OR8G1: variants seen among roughly 807,000 people sequenced by gnomAD.
OR8G1 encodes the protein olfactory receptor family 8 subfamily G member 1.
For synonymous variants in OR8G1, 129 were observed against 133.3 expected (o/e 0.97, Z 0.22); for missense variants, 372 against 356.2 (o/e 1.04, Z -0.36).
intron 2 of OR8G1, among the ~76,000 whole-genome samples, chr11:124,248,402 C>CTGTG (rs954418162): frequency 7.3e-5 from 11 of 150,032 alleles, no homozygotes; most frequent in Admixed American, 6.7e-4. Context: ...TTATGTGTGT[C>CTGTG]TGTGTGTGTG....
In OR8G1 at chr11:124,250,068, G is replaced by T; in HGVS notation, c.393G>T (p.Leu131=). Residue 131 remains leucine (L), a synonymous_variant, in exon 3 of 3, where the codon CTG becomes CTT. Coordinates refer to ENST00000641972, the MANE Select transcript of OR8G1 (RefSeq NM_001002905.2). The stretch of plus-strand genomic sequence containing the variant: ...ACATGGCCATCTGTAGCCCCTTGCT[G>T]TACAGTGTCATCATATCCAATAAGG... ...DRYMAICSPL[L]YSVIISNKAC... 1 of 1,613,776 alleles carries T rather than the reference G, an allele frequency of 6.2e-7. No individual in the cohort carries two copies. Among genetic ancestry groups the T allele is most frequent in the Non-Finnish European group, 8.5e-7 (1 of 1,179,824 alleles).
At chr11:124,249,344 A>T (rs902939661) in intron 2 of OR8G1, among the ~76,000 whole-genome samples, 1 of 152,084 alleles carries the variant, frequency 6.6e-6, no homozygotes, top group Non-Finnish European at 1.5e-5. Flanking sequence ...AGTTCAACTC[A>T]TTTATATTGG....
rs761464601 is a variant in OR8G1, at chr11:124,249,946, A to G, written c.271A>G (p.Ile91Val). Residue 91 changes from isoleucine to valine, a missense_variant, in exon 3 of 3, where the codon ATC becomes GTC. By Grantham distance (29) the Ile-to-Val change is conservative (BLOSUM62 3). Coordinates refer to ENST00000641972, the MANE Select transcript of OR8G1 (RefSeq NM_001002905.2). ...MLVNFVTEKN[I>V]ISYPECMTQL... ...GGTGAACTTTGTGACAGAGAAGAAC[A>G]TCATCTCCTACCCTGAATGCATGAC... is the stretch of plus-strand genomic sequence containing the variant. 5.6e-6 allele frequency: 9 copies of G among 1,614,044 alleles called. No individual in the cohort carries two copies. In the South Asian group the frequency reaches 9.9e-5, roughly 18 times the overall value.
rs1861852744 is a variant in OR8G1 at position 124,250,143 on chromosome 11, A to G, written c.468A>G (p.Ala156=). Residue 156 remains alanine (A), a synonymous_variant, in exon 3 of 3, where the codon GCA becomes GCG. Coordinates refer to ENST00000641972, the MANE Select transcript of OR8G1 (RefSeq NM_001002905.2). ...TGTATATAATAGGCCTGGTTTGTGC[A>G]TCAGTTCATACAGGCTGTATGTTTA... The part of the protein sequence containing the change: ...LGVYIIGLVC[A]SVHTGCMFRV... 1.2e-6 allele frequency: 2 copies of G among 1,613,802 alleles called. No individual in the cohort carries two copies. The highest frequency in any genetic ancestry group is 1.7e-6 in the Non-Finnish European group (2 of 1,179,818).
chr11:124,249,606 A>T, intron 2 of OR8G1, 54 bp from the exon 3 acceptor site: 1 of 1,482,720 alleles, frequency 6.7e-7, no homozygotes, highest in Non-Finnish European at 8.9e-7. Flanking sequence ...AAGAATAATA[A>T]AGTCCCTCCC....
chr11:124,247,125 A>G (rs1490692379), intron 1 of OR8G1, among the ~76,000 whole-genome samples: 1 of 151,708 alleles, frequency 6.6e-6, no homozygotes, highest in African/African-American at 2.4e-5. Context: ...GGAAAAAAAT[A>G]GGAAATCATA....
Position 124,252,861 on chromosome 11 carries a change from C to G in OR8G1, c.*2250C>G, listed in dbSNP as rs1861877574. 1 of 152,128 alleles carries G rather than the reference C, an allele frequency of 6.6e-6. No individual in the cohort carries two copies. The highest frequency in any genetic ancestry group is 1.5e-5 in the Non-Finnish European group (1 of 68,022). 9.4% of individuals were successfully genotyped at this position (152,128 alleles called of 1,614,324 possible). A position where few individuals can be genotyped will look rare whatever the true frequency, so the allele number is the denominator to read the frequency against. ...ACAGTCAGCTCAAAGAATTCTTGCT[C>G]TTGGGGTCACCTTTACCCAGTAACA... On this transcript the variant is annotated 3_prime_UTR_variant, in exon 3 of 3. Coordinates refer to ENST00000641972, the MANE Select transcript of OR8G1 (RefSeq NM_001002905.2).
intron 1 of OR8G1, among the ~76,000 whole-genome samples, chr11:124,242,045 C>T (rs1392755348): frequency 9.2e-6 from 1 of 108,990 alleles, no homozygotes; most frequent in Non-Finnish European, 1.9e-5. Context: ...TTTTCCTTTA[C>T]ATTTATTTTT....
At chr11:124,245,330 C>T in intron 1 of OR8G1, among the ~76,000 whole-genome samples, 1 of 149,520 alleles carries the variant, frequency 6.7e-6, no homozygotes. Flanking sequence ...CATGTCCCTA[C>T]AAAGGATATG....
At position 124,241,313 on chromosome 11, in the gene OR8G1, A is replaced by T. The variant is rs1480253795; in HGVS notation, c.-148A>T. On this transcript the variant is annotated 5_prime_UTR_variant, in exon 1 of 3. Coordinates refer to ENST00000641972, the MANE Select transcript of OR8G1 (RefSeq NM_001002905.2). Reference sequence around the variant, plus strand: ...CCAAGCCAACATTCTCCATGTCAGGAAGAGGAAATTGCAAGTAAAATCAAG... The same window carrying T: ...CCAAGCCAACATTCTCCATGTCAGGTAGAGGAAATTGCAAGTAAAATCAAG... The T allele has an allele frequency of 3.9e-5, 6 of 152,122 alleles. No individual in the cohort carries two copies. Among genetic ancestry groups the T allele is most frequent in the South Asian group, 4.2e-4 (2 of 4,818 alleles). 9.4% of individuals were successfully genotyped at this position (152,122 alleles called of 1,614,324 possible).
chr11:124,244,925 T>A (rs974090197), intron 1 of OR8G1, among the ~76,000 whole-genome samples: 2 of 151,964 alleles, frequency 1.3e-5, no homozygotes, highest in Non-Finnish European at 2.9e-5. Context: ...AGTCTATCCA[T>A]AAGTTTGAGA....
At chr11:124,243,969 T>C (rs2512307) in intron 1 of OR8G1, among the ~76,000 whole-genome samples, 76,666 of 145,054 alleles carry the variant, frequency 0.53, 20,411 homozygotes, top group South Asian at 0.71. Context: ...AGAGAGAGAA[T>C]GAGGAAAGGA....
intron 1 of OR8G1, among the ~76,000 whole-genome samples, chr11:124,246,270 G>A (rs1487207094): frequency 2.0e-5 from 3 of 151,914 alleles, no homozygotes; most frequent in African/African-American, 7.2e-5. Flanking sequence ...AACATTGCAT[G>A]TATTTTGTTA....
rs1299989753 is a variant in OR8G1 at position 124,253,640 on chromosome 11, T to A, written c.*3029T>A. ...ATCCAATAGATTTTTATTACTATAG[T>A]TACCATTTATACAATAGTTTTTAAC... On this transcript the variant is annotated 3_prime_UTR_variant, in exon 3 of 3. Coordinates refer to ENST00000641972, the MANE Select transcript of OR8G1 (RefSeq NM_001002905.2). 1 of 137,088 alleles carries A rather than the reference T, an allele frequency of 7.3e-6. No homozygotes were observed. The highest frequency in any genetic ancestry group is 1.6e-5 in the Non-Finnish European group (1 of 61,726). 8.5% of individuals were successfully genotyped at this position (137,088 alleles called of 1,614,324 possible).
chr11:124,245,858 G>A (rs1591391392), intron 1 of OR8G1, among the ~76,000 whole-genome samples: 1 of 151,302 alleles, frequency 6.6e-6, no homozygotes, highest in African/African-American at 2.4e-5. Context: ...GTTTGATGGG[G>A]TTGTTTGTTT....
Position 124,250,540 on chromosome 11 carries a change from A to C in OR8G1, c.865A>C (p.Ile289Leu). Reference sequence around the variant, plus strand: ...TATTGTGCCCATGTTGAACCCTCTGATTTATAGCCTGAGGAATAAAGATGT... The same window carrying C: ...TATTGTGCCCATGTTGAACCCTCTGCTTTATAGCCTGAGGAATAAAGATGT... ...TIIVPMLNPL[I>L]YSLRNKDVHV... Residue 289 changes from isoleucine (I) to leucine (L), a missense_variant, in exon 3 of 3, where the codon ATT becomes CTT. Ile to Leu is a conservative substitution (Grantham distance 5, BLOSUM62 2). Transcript: ENST00000641972. 5.1e-6 allele frequency: 6 copies of C among 1,181,402 alleles called. 3 individuals carry two copies. In the South Asian group the frequency reaches 8.6e-5, roughly 17 times the overall value. 73.2% of individuals were successfully genotyped at this position (1,181,402 alleles called of 1,614,324 possible). A position where few individuals can be genotyped will look rare whatever the true frequency, so the allele number is the denominator to read the frequency against.
chr11:124,242,841 T>TA (rs1285137200), intron 1 of OR8G1, among the ~76,000 whole-genome samples: 1 of 151,894 alleles, frequency 6.6e-6, no homozygotes, highest in Non-Finnish European at 1.5e-5. Context: ...TTTTAGCTTG[T>TA]TTTTTTTAGC....
At chr11:124,245,754 C>T (rs1466495285) in intron 1 of OR8G1, among the ~76,000 whole-genome samples, 2 of 142,820 alleles carry the variant, frequency 1.4e-5, no homozygotes, top group South Asian at 5.0e-4. Context: ...TTGCATTTCT[C>T]TGATGGCCAG....
chr11:124,243,271 G>A (rs1861777199), intron 1 of OR8G1, among the ~76,000 whole-genome samples: 2 of 151,876 alleles, frequency 1.3e-5, no homozygotes, highest in East Asian at 1.9e-4. Flanking sequence ...TAGACCAGGA[G>A]CCCTATATTT....
Sources: allele counts gnomAD v4.1 joint callset (sites outside exome capture counted in the v4.1 genomes callset), GRCh38; gene constraint gnomAD v4.1.1; transcripts MANE v1.5; gene names NCBI Gene and HGNC (gene_info 2026-07-23, HGNC 2026-07-21).